Variants in TASP1 observed in about 807,000 individuals in gnomAD.
TASP1 encodes the protein taspase 1, also known as threonine aspartase 1.
TASP1 carries 16 observed loss-of-function variants against 56.6 expected under a neutral mutation model. The ratio of observed to expected loss-of-function variants is 0.28; its 90% CI spans 0.19 to 0.43. The LOEUF is 0.43. Among genes scored for constraint, TASP1 ranks in the 20% least tolerant of loss-of-function variants. The pLI, the probability that TASP1 is intolerant of heterozygous loss-of-function variation, is 1.00. For synonymous variants in TASP1, 179 were observed against 184.2 expected (o/e 0.97, Z 0.23); for missense variants, 393 against 511.6 (o/e 0.77, Z 2.24).
At chr20:13,484,355 C>T (rs954791394) in intron 10 of TASP1, among the ~76,000 whole-genome samples, 4 of 152,264 alleles carry the variant, frequency 2.6e-5, no homozygotes, top group South Asian at 4.2e-4. Context: ...GACACATGCA[C>T]CCGTATGTTT....
rs2044430380 is a variant in TASP1 at position 13,513,946 on chromosome 20, T to A, written c.874+14487A>T. ...ATGTAAAACAAAGATAAAAAATCTT[T>A]AACTTGAGAATATTATATTTCCATA... On this transcript the variant is annotated intron_variant, in intron 10 of 13. Coordinates refer to ENST00000337743, the MANE Select transcript of TASP1 (RefSeq NM_017714.3). Among the ~76,000 whole-genome samples, 4 of 152,248 alleles carry A rather than the reference T, an allele frequency of 2.6e-5. No individual in the cohort carries two copies. The South Asian group carries it at 6.2e-4, about 24-fold the overall frequency.
chr20:13,119,925 G>A, the TASP1 span, among the ~76,000 whole-genome samples: 1 of 152,160 alleles, frequency 6.6e-6, no homozygotes, highest in Non-Finnish European at 1.5e-5. Flanking sequence ...GATAAACCTG[G>A]GTAAACTGGC....
chr20:13,319,614 C>A, the TASP1 span, among the ~76,000 whole-genome samples: 2 of 152,164 alleles, frequency 1.3e-5, no homozygotes, highest in Non-Finnish European at 2.9e-5. Flanking sequence ...CTTTATTTGT[C>A]AAAACAAACA....
chr20:13,241,386 T>C, the TASP1 span, among the ~76,000 whole-genome samples: 1 of 152,186 alleles, frequency 6.6e-6, no homozygotes, highest in East Asian at 1.9e-4. Context: ...TCTGTGAGGC[T>C]GATGAGAACG....
chr20:13,410,325 C>T (rs2042054811), intron 13 of TASP1, among the ~76,000 whole-genome samples: 1 of 152,122 alleles, frequency 6.6e-6, no homozygotes, highest in Non-Finnish European at 1.5e-5. Flanking sequence ...TACTGACGTC[C>T]TTTTCTTTGG....
At chr20:13,620,265 T>TACACACACACACACACACACACAC in intron 4 of TASP1, among the ~76,000 whole-genome samples, 1 of 145,770 alleles carries the variant, frequency 6.9e-6, no homozygotes, top group African/African-American at 2.6e-5. Flanking sequence ...CTGTGGTATT[T>TACACACACACACACACACACACAC]ACACACACAC....
At chr20:13,573,709 A>C (rs1430059729) in intron 6 of TASP1, among the ~76,000 whole-genome samples, 2 of 152,220 alleles carry the variant, frequency 1.3e-5, no homozygotes, top group Non-Finnish European at 2.9e-5. Context: ...CAGGGAACAA[A>C]GTTACCCTCT....
At chr20:13,576,314 GAA>G (rs1462404419) in intron 6 of TASP1, among the ~76,000 whole-genome samples, 16 of 143,530 alleles carry the variant, frequency 1.1e-4, no homozygotes, top group African/African-American at 3.1e-4. Context: ...GAGAGAGAGA[GAA>G]AGAAAGAAAA....
At chr20:13,242,003 CAA>C in the TASP1 span, among the ~76,000 whole-genome samples, 7 of 152,198 alleles carry the variant, frequency 4.6e-5, no homozygotes, top group Non-Finnish European at 5.9e-5. Flanking sequence ...AAAGTAAAAA[CAA>C]GAGAAGGCTG....
the TASP1 span, among the ~76,000 whole-genome samples, chr20:13,285,417 T>C: frequency 6.6e-6 from 1 of 152,322 alleles, no homozygotes; most frequent in East Asian, 1.9e-4. Context: ...CTGGCTTGGC[T>C]GGGGCTGGAT....
chr20:13,579,203 T>C (rs2047030208), intron 6 of TASP1, among the ~76,000 whole-genome samples: 1 of 152,144 alleles, frequency 6.6e-6, no homozygotes. Context: ...AGAATATAAA[T>C]CCAGAGACAA....
At chr20:13,212,485 A>T in the TASP1 span, among the ~76,000 whole-genome samples, 1 of 152,074 alleles carries the variant, frequency 6.6e-6, no homozygotes, top group South Asian at 2.1e-4. Context: ...TGATATTACC[A>T]TCACGTTGTT....
At chr20:13,542,332 AAT>A (rs1262126717) in intron 8 of TASP1, among the ~76,000 whole-genome samples, 2 of 152,196 alleles carry the variant, frequency 1.3e-5, no homozygotes, top group Non-Finnish European at 2.9e-5. Flanking sequence ...TCACCAAGGA[AAT>A]ACAATATTTC....
intron 1 of TASP1, among the ~76,000 whole-genome samples, chr20:13,635,684 G>A (rs73270753): frequency 1.3e-5 from 2 of 151,890 alleles, no homozygotes; most frequent in South Asian, 2.1e-4. Flanking sequence ...CACCACTCCC[G>A]GCCAACCTTC....
chr20:13,393,310 C>T, intron 13 of TASP1: 1 of 757,136 alleles, frequency 1.3e-6, no homozygotes, highest in Admixed American at 1.8e-5. Context: ...TCTACTGGCA[C>T]TGCCAAGGCT....
intron 11 of TASP1, among the ~76,000 whole-genome samples, chr20:13,454,888 T>C (rs1298494848): frequency 6.6e-6 from 1 of 152,114 alleles, no homozygotes; most frequent in Admixed American, 6.6e-5. Context: ...ATCTACTTTA[T>C]AGCTTGTCAT....
chr20:13,562,229 T>C (rs34426363), intron 7 of TASP1, among the ~76,000 whole-genome samples: 8,435 of 152,078 alleles, frequency 0.055, 275 homozygotes, highest in African/African-American at 0.077. Context: ...TAAAAATTAA[T>C]ACACCAAAAC....
the TASP1 span, among the ~76,000 whole-genome samples, chr20:13,372,607 G>C: frequency 6.6e-6 from 1 of 151,078 alleles, no homozygotes; most frequent in African/African-American, 2.4e-5. Flanking sequence ...TTTTTCTGGA[G>C]AACACTAATA....
At chr20:13,477,397 GA>G (rs1258756031) in intron 11 of TASP1, among the ~76,000 whole-genome samples, 1 of 150,986 alleles carries the variant, frequency 6.6e-6, no homozygotes, top group Non-Finnish European at 1.5e-5. Flanking sequence ...GAAATTCAAA[GA>G]AAAAAAAGAA....
Sources: allele counts gnomAD v4.1 joint callset (sites outside exome capture counted in the v4.1 genomes callset), GRCh38; gene constraint gnomAD v4.1.1; transcripts MANE v1.5; gene names NCBI Gene and HGNC (gene_info 2026-07-23, HGNC 2026-07-21).